The following FBN1 variants were observed in gnomAD, a reference collection of about 807,000 sequenced individuals.
FBN1 encodes fibrillin-1.
Under a neutral mutation model 365.1 loss-of-function variants are expected in FBN1, and 29 were observed. The ratio of observed to expected loss-of-function variants is 0.08; its 90% CI spans 0.06 to 0.11. The LOEUF (loss-of-function observed/expected upper bound fraction) is 0.11. FBN1 is among the 10% of genes least tolerant of loss of function. The pLI is 1.00. For missense variants in FBN1, 2,476 were observed against 3,703.2 expected, an observed-to-expected ratio of 0.67 and a Z score of 8.60; for synonymous variants, 1,210 against 1,270.5, an observed-to-expected ratio of 0.95 and a Z score of 1.01.
intron 58 of FBN1, among the ~76,000 whole-genome samples, chr15:48,426,666 CA>C (rs2042981534): frequency 6.6e-6 from 1 of 152,110 alleles, no homozygotes; most frequent in South Asian, 2.1e-4. Context: ...CATTTTATAC[CA>C]ACAGCTGGGT....
At chr15:48,488,041 C>A in intron 27 of FBN1, 72 bp downstream of exon 27, 2 of 1,599,512 alleles carry the variant, frequency 1.3e-6, no homozygotes, top group East Asian at 2.2e-5. Context: ...GAACCTGGAA[C>A]ATAGGCTATG....
Position 48,468,928 on chromosome 15 carries a change from C to T in FBN1, c.4460-394G>A, listed in dbSNP as rs892819385. 3.3e-5 allele frequency among the ~76,000 whole-genome samples: 5 copies of T among 151,562 alleles called. No individual in the cohort carries two copies. The East Asian group carries it at 7.8e-4, about 24-fold the overall frequency. On this transcript the variant is annotated intron_variant, in intron 36 of 65. Transcript: ENST00000316623. ...CTAAAAATACAAAAAATTAGCCAGGCGTGGTGGTGGGTGCCTGTAGTCCCA... is the reference window on the plus strand; with the variant it reads ...CTAAAAATACAAAAAATTAGCCAGGTGTGGTGGTGGGTGCCTGTAGTCCCA...
intron 6 of FBN1, among the ~76,000 whole-genome samples, chr15:48,581,843 C>T (rs1363599832): frequency 6.6e-6 from 1 of 152,088 alleles, no homozygotes; most frequent in Non-Finnish European, 1.5e-5. Flanking sequence ...AATATAGATG[C>T]CCCATAGTCT....
chr15:48,643,275 G>C (rs1245800870), intron 2 of FBN1: 1 of 152,176 alleles, frequency 6.6e-6, no homozygotes, highest in Non-Finnish European at 1.5e-5. Context: ...GTCTGATCAA[G>C]GTCAGGTTTA....
chr15:48,415,313 A>T (rs958869246), intron 64 of FBN1, among the ~76,000 whole-genome samples: 11 of 152,208 alleles, frequency 7.2e-5, no homozygotes, highest in African/African-American at 2.7e-4. Flanking sequence ...ATAGCGAGAT[A>T]TTTACAATGT....
intron 6 of FBN1, among the ~76,000 whole-genome samples, chr15:48,546,014 G>T (rs568166578): frequency 6.6e-6 from 1 of 151,908 alleles, no homozygotes; most frequent in East Asian, 1.9e-4. Context: ...TATCAAAAAA[G>T]AAAGAAAGAA....
chr15:48,416,974 A>G (rs2141216429), intron 63 of FBN1, among the ~76,000 whole-genome samples: 1 of 152,354 alleles, frequency 6.6e-6, no homozygotes, highest in South Asian at 2.1e-4. Flanking sequence ...ATCCTGAGAA[A>G]GAGGTATTAT....
Position 48,495,137 on chromosome 15 carries a change from G to A in FBN1, c.2663C>T (p.Thr888Ile). ...GTTTCTCTTACCAACTTGGCATAGG[G>A]TGCACGGGCTTCCCCACGCAGCACC... is the stretch of plus-strand genomic sequence containing the variant. ...SLGAAWGSPC[T>I]LCQVDPICGK... is the part of the protein sequence containing the mutation. The change falls in exon 22 of 66, where the codon ACC (threonine) becomes ATC (isoleucine). Residue 888 changes from threonine (T) to isoleucine (I), a missense_variant. Thr to Ile is a moderately conservative substitution (Grantham distance 89). Coordinates refer to ENST00000316623, the MANE Select transcript of FBN1 (RefSeq NM_000138.5). 6.2e-7 allele frequency: 1 copy of A among 1,614,100 alleles called. No homozygotes were observed. Among genetic ancestry groups the A allele is most frequent in the Non-Finnish European group, 8.5e-7 (1 of 1,180,010 alleles).
rs1054425888 is a variant in FBN1, at chr15:48,546,429, C to T, written c.539-8621G>A. Among the ~76,000 whole-genome samples the T allele has an allele frequency of 1.5e-4, 23 of 152,172 alleles. 1 individual carries two copies. Among genetic ancestry groups the T allele is most frequent in the Admixed American group, 1.0e-3 (16 of 15,272 alleles). Reference sequence around the variant, plus strand: ...GGATGAGCACAAGCCAGCTGTGCAACATCTAAGCGCTTTCTAAGTATGGGA... The same window carrying T: ...GGATGAGCACAAGCCAGCTGTGCAATATCTAAGCGCTTTCTAAGTATGGGA... On this transcript the variant is annotated intron_variant, in intron 6 of 65. Transcript: ENST00000316623.
At chr15:48,556,243 G>C (rs1332117187) in intron 6 of FBN1, among the ~76,000 whole-genome samples, 1 of 152,114 alleles carries the variant, frequency 6.6e-6, no homozygotes, top group Non-Finnish European at 1.5e-5. Flanking sequence ...AGTTTTGGAA[G>C]AGCCTTCATG....
At chr15:48,477,121 A>G (rs1442770113) in intron 32 of FBN1, among the ~76,000 whole-genome samples, 1 of 152,120 alleles carries the variant, frequency 6.6e-6, no homozygotes, top group Non-Finnish European at 1.5e-5. Context: ...TCTAATGACC[A>G]GAGGTACTCT....
intron 44 of FBN1, 65 bp downstream of exon 44, chr15:48,456,572 G>A: frequency 1.3e-6 from 2 of 1,538,292 alleles, no homozygotes; most frequent in Admixed American, 1.7e-5. Flanking sequence ...AATTCGCCAA[G>A]TGTGTATCAA....
At position 48,425,736 on chromosome 15, in the gene FBN1, T is replaced by TA; in HGVS notation, c.7330+2dup. On this transcript the variant is annotated splice_region_variant and intron_variant, in intron 59 of 65. Coordinates refer to ENST00000316623, the MANE Select transcript of FBN1 (RefSeq NM_000138.5). ...GGATAAGCCATCAGAAATAGACACT[T>TA]ACCTACACAGGAAGTCCCAGTTATA... is the stretch of plus-strand genomic sequence containing the variant. The TA allele has an allele frequency of 6.2e-7, 1 of 1,613,284 alleles. No homozygotes were observed. Among genetic ancestry groups the TA allele is most frequent in the Non-Finnish European group, 8.5e-7 (1 of 1,179,412 alleles).
intron 6 of FBN1, among the ~76,000 whole-genome samples, chr15:48,564,067 C>T (rs2044242821): frequency 6.6e-6 from 1 of 152,088 alleles, no homozygotes; most frequent in Non-Finnish European, 1.5e-5. Flanking sequence ...CTTTTATATA[C>T]TATATTGTTC....
chr15:48,528,413 T>C (rs898623597), intron 8 of FBN1, among the ~76,000 whole-genome samples: 7 of 152,226 alleles, frequency 4.6e-5, no homozygotes, highest in Non-Finnish European at 8.8e-5. Context: ...AAATGCTTTA[T>C]GTGTACCCAA....
At chr15:48,459,852 A>G (rs1422031405) in intron 43 of FBN1, among the ~76,000 whole-genome samples, 1 of 151,900 alleles carries the variant, frequency 6.6e-6, no homozygotes, top group Non-Finnish European at 1.5e-5. Context: ...ACTTTATGTA[A>G]ACAATCTACA....
intron 2 of FBN1, among the ~76,000 whole-genome samples, chr15:48,634,087 A>G (rs968941942): frequency 1.3e-5 from 2 of 152,254 alleles, no homozygotes; most frequent in Non-Finnish European, 2.9e-5. Flanking sequence ...AGCATTTAAA[A>G]ATAAGAAGGT....
chr15:48,504,975 G>A, intron 16 of FBN1, 50 bp downstream of exon 16: 1 of 1,612,198 alleles, frequency 6.2e-7, no homozygotes, highest in Non-Finnish European at 8.5e-7. Context: ...GCTTTATTGA[G>A]TGACAGAGGC....
chr15:48,481,278 T>A (rs1012658886), intron 32 of FBN1, among the ~76,000 whole-genome samples: 4 of 152,170 alleles, frequency 2.6e-5, no homozygotes, highest in Non-Finnish European at 2.9e-5. Context: ...TTATAAACCT[T>A]AAATGAAGTG....
Sources: gnomAD v4.1 joint callset for allele counts (sites outside exome capture counted in the v4.1 genomes callset) on GRCh38, gnomAD v4.1.1 for gene constraint, MANE v1.5 for transcripts, NCBI Gene and HGNC (gene_info 2026-07-23, HGNC 2026-07-21) for gene names.